PUM3: variants seen among roughly 807,000 people sequenced by gnomAD.
The protein encoded by PUM3 is pumilio RNA binding family member 3, also known as pumilio homolog 3.
Under a neutral mutation model 84.0 loss-of-function variants are expected in PUM3, and 91 were observed. The observed-to-expected ratio is 1.08, with a 90% CI of 0.91 to 1.29. The LOEUF is 1.29. PUM3 is among the 50% of genes most tolerant of loss of function. PUM3 has a pLI of 0.00. For synonymous variants in PUM3, 321 were observed against 266.7 expected, an observed-to-expected ratio of 1.20 and a Z score of -1.98; for missense variants, 1,067 against 767.5, an observed-to-expected ratio of 1.39 and a Z score of -4.61.
chr9:2,830,047 G>T, intron 7 of PUM3, 99 bp from the exon 8 acceptor site: 1 of 1,039,258 alleles, frequency 9.6e-7, no homozygotes, highest in Non-Finnish European at 1.4e-6. Context: ...TCATCAATCT[G>T]TGTCACTCTG....
Position 2,811,407 on chromosome 9 carries a change from G to T in PUM3, c.1589C>A (p.Ala530Asp). The change falls in exon 15 of 18, where the codon GCC becomes GAC. Residue 530 changes from alanine to aspartate, a missense_variant. Physicochemically the swap from Ala to Asp is moderately radical, Grantham distance 126. Coordinates refer to ENST00000397885, the MANE Select transcript of PUM3 (RefSeq NM_014878.5). The stretch of plus-strand genomic sequence containing the variant: ...ATGCAGTCCTGTTGCTGCCAAGCTG[G>T]CGATGGCATTCATGGTAGGCTGAAC... ...GDVQPTMNAI[A>D]SLAATGLHPG... 3 of 1,614,142 alleles carry T rather than the reference G, an allele frequency of 1.9e-6. No homozygotes were observed. Among genetic ancestry groups the T allele is most frequent in the African/African-American group, 1.3e-5 (1 of 75,036 alleles).
chr9:2,819,732 G>A (rs73377844), intron 13 of PUM3, among the ~76,000 whole-genome samples: 8,216 of 152,156 alleles, frequency 0.054, 710 homozygotes, highest in African/African-American at 0.18. Flanking sequence ...TTAGAATCAC[G>A]TATGTTCTAA....
intron 10 of PUM3, among the ~76,000 whole-genome samples, chr9:2,825,077 A>G (rs375725705): frequency 6.6e-6 from 1 of 152,336 alleles, no homozygotes; most frequent in South Asian, 2.1e-4. Context: ...GTCTGTTAAA[A>G]AAAAGGTCAA....
chr9:2,804,451 A>G lies in PUM3; in HGVS notation c.1827T>C (p.Ser609=), dbSNP rs1821221901. The G allele has an allele frequency of 1.2e-6, 2 of 1,613,416 alleles. No individual in the cohort carries two copies. The highest frequency in any genetic ancestry group is 1.7e-6 in the Non-Finnish European group (2 of 1,179,796). Residue 609 remains serine, a synonymous_variant, in exon 18 of 18, where the codon AGT becomes AGC. Transcript: ENST00000397885. ...GAIILSSLLQ[S]CDLEVANKVK... ...CTTTGTTTGCAACTTCCAGGTCACAACTCTGGAGGAGGCTGAAGAGAGGAA... is the reference window on the plus strand; with the variant it reads ...CTTTGTTTGCAACTTCCAGGTCACAGCTCTGGAGGAGGCTGAAGAGAGGAA...
chr9:2,820,274 T>C (rs1167634389), intron 12 of PUM3, among the ~76,000 whole-genome samples, 176 bp from the exon 13 acceptor site: 1 of 152,104 alleles, frequency 6.6e-6, no homozygotes. Context: ...AAAGCCATTT[T>C]AATGAACTTC....
At chr9:2,823,922 G>T in intron 11 of PUM3, 88 bp from the exon 12 acceptor site, 2 of 645,932 alleles carry the variant, frequency 3.1e-6, no homozygotes, top group Non-Finnish European at 5.1e-6. Context: ...TATTTATTAA[G>T]TTTTCATTTG....
At chr9:2,810,157 G>A (rs964729421) in intron 16 of PUM3, among the ~76,000 whole-genome samples, 187 bp downstream of exon 16, 7 of 152,070 alleles carry the variant, frequency 4.6e-5, no homozygotes, top group African/African-American at 1.4e-4. Flanking sequence ...AGAGTTCTCA[G>A]GCACAAATAT....
intron 2 of PUM3, 64 bp from the exon 3 acceptor site, chr9:2,837,465 T>C: frequency 9.5e-7 from 1 of 1,051,178 alleles, no homozygotes; most frequent in Non-Finnish European, 1.4e-6. Flanking sequence ...TCTATTGGAT[T>C]ATATCCATTA....
intron 9 of PUM3, 42 bp downstream of exon 9, chr9:2,828,633 G>A (rs1815886594): frequency 1.7e-6 from 2 of 1,191,604 alleles, no homozygotes; most frequent in East Asian, 4.7e-5. Context: ...TTCCTCCTTT[G>A]AATGTCATTT....
intron 13 of PUM3, among the ~76,000 whole-genome samples, chr9:2,814,711 A>AAAAAAC (rs954468406): frequency 2.0e-5 from 3 of 152,168 alleles, no homozygotes; most frequent in Admixed American, 6.5e-5. Context: ...TCTACAGTTT[A>AAAAAAC]AAAAACAAAA....
chr9:2,836,616 T>C (rs1163125569), intron 3 of PUM3, among the ~76,000 whole-genome samples: 2 of 152,200 alleles, frequency 1.3e-5, no homozygotes, highest in African/African-American at 4.8e-5. Flanking sequence ...GGAACTACTA[T>C]GGATCTGCGC....
At position 2,820,052 on chromosome 9, in the gene PUM3, T is replaced by C. The variant is rs554483819; in HGVS notation, c.1235A>G (p.Asp412Gly). The part of the protein sequence containing the change: ...LVLLAAFDCI[D>G]DTKLVKQIII... ...TATCTGCTTCACAAGCTTAGTATCA[T>C]CAATACAATCAAATGCCGCCAGTAA... is the stretch of plus-strand genomic sequence containing the variant. Residue 412 changes from aspartate to glycine, a missense_variant, in exon 13 of 18, where the codon GAT (aspartate) becomes GGT (glycine). By Grantham distance (94) the Asp-to-Gly change is moderately conservative (BLOSUM62 -1). Transcript: ENST00000397885. 2 of 1,612,708 alleles carry C rather than the reference T, an allele frequency of 1.2e-6. No homozygotes were observed. The highest frequency in any genetic ancestry group is 3.3e-5 in the Admixed American group (2 of 60,008).
intron 17 of PUM3, among the ~76,000 whole-genome samples, chr9:2,806,163 G>A (rs1344017425): frequency 2.0e-5 from 3 of 152,140 alleles, no homozygotes; most frequent in Non-Finnish European, 4.4e-5. Context: ...TTAATTTCAT[G>A]GCATTGCTGA....
chr9:2,828,945 G>A (rs957607840), intron 8 of PUM3, among the ~76,000 whole-genome samples, 167 bp from the exon 9 acceptor site: 2 of 152,184 alleles, frequency 1.3e-5, no homozygotes, highest in Non-Finnish European at 2.9e-5. Context: ...AACCTGATTA[G>A]CTGATTCTCA....
intron 10 of PUM3, among the ~76,000 whole-genome samples, chr9:2,825,807 GGATGTAAAT>G (rs1256534680): frequency 6.6e-6 from 1 of 152,094 alleles, no homozygotes; most frequent in Non-Finnish European, 1.5e-5. Flanking sequence ...AAGGCATGTA[GGATGTAAAT>G]GAGTTCTGGC....
Position 2,829,890 on chromosome 9 carries a change from G to C in PUM3, c.736C>G (p.Leu246Val), listed in dbSNP as rs1333976123. 5.0e-6 allele frequency: 8 copies of C among 1,613,910 alleles called. No homozygotes were observed. The South Asian group carries it at 8.8e-5, about 18-fold the overall frequency. ...ATGGCTGATGCTTCCGCATGCCGCA[G>C]CATCTTCCTCACGTGGCCTTTAAAA... ...RSFKGHVRKM[L>V]RHAEASAIVE... Residue 246 changes from leucine (L) to valine (V), a missense_variant, in exon 8 of 18, where the codon CTG becomes GTG. By Grantham distance (32) the Leu-to-Val change is conservative. Transcript: ENST00000397885.
At chr9:2,806,658 T>C (rs1821264147) in intron 17 of PUM3, among the ~76,000 whole-genome samples, 1 of 152,184 alleles carries the variant, frequency 6.6e-6, no homozygotes, top group Admixed American at 6.6e-5. Flanking sequence ...AGAGAATGTA[T>C]GGAAAATTTC....
At chr9:2,843,781 T>C (rs889145304) in intron 1 of PUM3, among the ~76,000 whole-genome samples, 1 of 151,738 alleles carries the variant, frequency 6.6e-6, no homozygotes, top group Non-Finnish European at 1.5e-5. Flanking sequence ...GGTTTCACCG[T>C]GTTAGCCAGG....
At position 2,837,176 on chromosome 9, in the gene PUM3, T is replaced by TTAC. The variant is rs763749957; in HGVS notation, c.304+1_304+3dup. ...AGTTCAGGCATGAACGAACCAGTACTTACCATCGCTTCTACCATCTGGCTG... is the reference window on the plus strand; with the variant it reads ...AGTTCAGGCATGAACGAACCAGTACTTACTACCATCGCTTCTACCATCTGGCTG... On this transcript the variant is annotated splice_donor_region_variant and intron_variant, in intron 3 of 17. Transcript: ENST00000397885. The TTAC allele has an allele frequency of 5.4e-5, 87 of 1,613,290 alleles. No homozygotes were observed. Among genetic ancestry groups the TTAC allele is most frequent in the Admixed American group, 1.8e-4 (11 of 60,000 alleles).
Sources: allele counts gnomAD v4.1 joint callset (sites outside exome capture counted in the v4.1 genomes callset), GRCh38; gene constraint gnomAD v4.1.1; transcripts MANE v1.5; gene names NCBI Gene and HGNC (gene_info 2026-07-23, HGNC 2026-07-21).